Variants in NPS observed in about 807,000 individuals in gnomAD.
NPS encodes prepro-neuropeptide S.
In NPS, 6 loss-of-function variants were observed where a neutral mutation model predicts 7.2. The ratio of observed to expected loss-of-function variants is 0.83; its 90% CI spans 0.46 to 1.64. The LOEUF (loss-of-function observed/expected upper bound fraction) is 1.64, where lower values mean the gene tolerates loss of function less well. NPS is among the 40% of genes most tolerant of loss of function. The pLI is 0.01. For synonymous variants in NPS, 42 were observed against 36.7 expected (o/e 1.14, Z -0.52); for missense variants, 123 against 97.8 (o/e 1.26, Z -1.09).
In NPS at chr10:127,552,733, T is replaced by A; in HGVS notation, c.*94T>A. 1.3e-6 allele frequency: 1 copy of A among 792,386 alleles called. No individual in the cohort carries two copies. Among genetic ancestry groups the A allele is most frequent in the Admixed American group, 2.2e-5 (1 of 45,548 alleles). 49.1% of individuals were successfully genotyped at this position (792,386 alleles called of 1,614,324 possible). On this transcript the variant is annotated 3_prime_UTR_variant, in exon 3 of 3. Transcript: ENST00000398023. The stretch of plus-strand genomic sequence containing the variant: ...GTCTCTTTATCATTGAGTGTTGGCA[T>A]GCTCTCTATTCTCAAATATCTTTCC...
At position 127,553,144 on chromosome 10, in the gene NPS, A is replaced by C. The variant is rs11018197; in HGVS notation, c.*505A>C. On this transcript the variant is annotated 3_prime_UTR_variant, in exon 3 of 3. Coordinates refer to ENST00000398023, the MANE Select transcript of NPS (RefSeq NM_001030013.2). ...TTAAGGTGAATGGTACAGCTGTATC[A>C]ATTGATTAATTAATTGATACCAAGA... Among the ~76,000 whole-genome samples, 3,641 of 152,252 alleles carry C rather than the reference A, an allele frequency of 0.024. 68 individuals carry two copies. The highest frequency in any genetic ancestry group is 0.082 in the East Asian group (423 of 5,178).
chr10:127,552,395 C>T (rs1394447095), intron 2 of NPS, 65 bp from the exon 3 acceptor site: 2 of 872,814 alleles, frequency 2.3e-6, no homozygotes, highest in Non-Finnish European at 3.6e-6. Flanking sequence ...AAAATTGTTA[C>T]TGTTGAAATA....
intron 2 of NPS, among the ~76,000 whole-genome samples, chr10:127,551,087 C>T (rs1844854117): frequency 6.6e-6 from 1 of 152,052 alleles, no homozygotes; most frequent in East Asian, 1.9e-4. Context: ...GAGGCCCTTC[C>T]CTGCTGGGGA....
chr10:127,551,923 C>A (rs1050342645), intron 2 of NPS, among the ~76,000 whole-genome samples: 2 of 152,092 alleles, frequency 1.3e-5, no homozygotes, highest in African/African-American at 2.4e-5. Flanking sequence ...TCTTCCACCA[C>A]TAAGCACCCT....
rs1244423131 is a variant in NPS, at chr10:127,552,562, A to T, written c.193A>T (p.Met65Leu). ...LAFLKPILEK[M>L]FVKRSFRNGV... Reference sequence around the variant, plus strand: ...TTTTCTAAAGCCAATTTTGGAGAAGATGTTTGTGAAAAGGTCCTTTCGCAA... The same window carrying T: ...TTTTCTAAAGCCAATTTTGGAGAAGTTGTTTGTGAAAAGGTCCTTTCGCAA... Residue 65 changes from methionine to leucine, a missense_variant, in exon 3 of 3, where the codon ATG becomes TTG. By Grantham distance (15) the Met-to-Leu change is conservative. Transcript: ENST00000398023. 3.7e-6 allele frequency: 6 copies of T among 1,613,460 alleles called. No homozygotes were observed. The Admixed American group carries it at 1.0e-4, about 27-fold the overall frequency.
Position 127,549,496 on chromosome 10 carries a change from A to G in NPS, c.16A>G (p.Lys6Glu). MISSV[K>E]LNLILVLSLS... ...TTTTTTTCTACTTTGCAGCTCAGTA[A>G]AACTCAATCTCATCCTAGTTCTGTC... Residue 6 changes from lysine (K) to glutamate (E), a missense_variant, in exon 2 of 3, where the codon AAA becomes GAA. Transcript: ENST00000398023. 6.2e-7 allele frequency: 1 copy of G among 1,611,426 alleles called. No individual in the cohort carries two copies. The highest frequency in any genetic ancestry group is 8.5e-7 in the Non-Finnish European group (1 of 1,177,614).
intron 2 of NPS, 79 bp downstream of exon 2, chr10:127,549,649 G>A (rs1319407868): frequency 1.1e-6 from 1 of 889,818 alleles, no homozygotes; most frequent in Non-Finnish European, 1.9e-6. Flanking sequence ...TACTTTCAAG[G>A]AATATGTGAC....
rs1844871105 is a variant in NPS, at chr10:127,552,837, A to G, written c.*198A>G. ...TGTCTCAAACCTGTCTCAAACTTCC[A>G]CTTGTGAGAGAAAAAACAATTTATG... On this transcript the variant is annotated 3_prime_UTR_variant, in exon 3 of 3. Transcript: ENST00000398023. 6.6e-6 allele frequency among the ~76,000 whole-genome samples: 1 copy of G among 152,108 alleles called. No individual in the cohort carries two copies. The highest frequency in any genetic ancestry group is 2.4e-5 in the African/African-American group (1 of 41,424).
At position 127,549,375 on chromosome 10, in the gene NPS, A is replaced by G; in HGVS notation, c.7A>G (p.Ser3Gly). The G allele has an allele frequency of 6.2e-7, 1 of 1,608,982 alleles. No individual in the cohort carries two copies. The highest frequency in any genetic ancestry group is 1.1e-5 in the South Asian group (1 of 90,854). Residue 3 changes from serine to glycine, a missense_variant and splice_region_variant, in exon 1 of 3, where the codon AGC becomes GGC. Transcript: ENST00000398023. MI[S>G]SVKLNLILVL... ...AGATTTTGGGAAGTCCAAAATGATT[A>G]GGTAAAAGGCTACGTTTTTCTGCAA...
intron 2 of NPS, 73 bp from the exon 3 acceptor site, chr10:127,552,387 A>T (rs1356147278): frequency 1.2e-6 from 1 of 861,690 alleles, no homozygotes; most frequent in East Asian, 2.5e-5. Flanking sequence ...CGATTTTGAA[A>T]ATTGTTACTG....
intron 2 of NPS, among the ~76,000 whole-genome samples, chr10:127,550,892 T>C (rs772118573): frequency 1.3e-5 from 2 of 152,228 alleles, no homozygotes; most frequent in Non-Finnish European, 2.9e-5. Context: ...TATACAATCT[T>C]ATTATGTTAA....
chr10:127,552,835 C>T lies in NPS; in HGVS notation c.*196C>T, dbSNP rs1334506830. Among the ~76,000 whole-genome samples, 2 of 152,112 alleles carry T rather than the reference C, an allele frequency of 1.3e-5. No homozygotes were observed. Among genetic ancestry groups the T allele is most frequent in the African/African-American group, 2.4e-5 (1 of 41,440 alleles). Reference sequence around the variant, plus strand: ...CATGTCTCAAACCTGTCTCAAACTTCCACTTGTGAGAGAAAAAACAATTTA... The same window carrying T: ...CATGTCTCAAACCTGTCTCAAACTTTCACTTGTGAGAGAAAAAACAATTTA... On this transcript the variant is annotated 3_prime_UTR_variant, in exon 3 of 3. Coordinates refer to ENST00000398023, the MANE Select transcript of NPS (RefSeq NM_001030013.2).
rs1844836835 is a variant in NPS at position 127,549,486 on chromosome 10, C to T, written c.9-3C>T. The T allele has an allele frequency of 1.2e-6, 2 of 1,607,908 alleles. No homozygotes were observed. The highest frequency in any genetic ancestry group is 1.7e-6 in the Non-Finnish European group (2 of 1,174,466). On this transcript the variant is annotated splice_polypyrimidine_tract_variant and splice_region_variant and intron_variant, in intron 1 of 2. Coordinates refer to ENST00000398023, the MANE Select transcript of NPS (RefSeq NM_001030013.2). The stretch of plus-strand genomic sequence containing the variant: ...TTGATTGTACTTTTTTTCTACTTTG[C>T]AGCTCAGTAAAACTCAATCTCATCC...
At chr10:127,550,506 A>T (rs1215142353) in intron 2 of NPS, among the ~76,000 whole-genome samples, 3 of 152,206 alleles carry the variant, frequency 2.0e-5, no homozygotes, top group African/African-American at 7.2e-5. Context: ...GTCACAATCC[A>T]TATACTGGTA....
chr10:127,549,597 T>C (rs2134875958), intron 2 of NPS, 27 bp downstream of exon 2: 1 of 1,231,034 alleles, frequency 8.1e-7, no homozygotes, highest in Non-Finnish European at 1.2e-6. Context: ...GTTGTGGATA[T>C]TTAAATAGAT....
rs2134878780 is a variant in NPS at position 127,552,832 on chromosome 10, C to T, written c.*193C>T. 6.6e-6 allele frequency among the ~76,000 whole-genome samples: 1 copy of T among 152,270 alleles called. No individual in the cohort carries two copies. The highest frequency in any genetic ancestry group is 2.4e-5 in the African/African-American group (1 of 41,572). ...AAACATGTCTCAAACCTGTCTCAAACTTCCACTTGTGAGAGAAAAAACAAT... is the reference window on the plus strand; with the variant it reads ...AAACATGTCTCAAACCTGTCTCAAATTTCCACTTGTGAGAGAAAAAACAAT... On this transcript the variant is annotated 3_prime_UTR_variant, in exon 3 of 3. Transcript: ENST00000398023.
At chr10:127,549,439 C>T (rs1484986537) in intron 1 of NPS, 50 bp from the exon 2 acceptor site, 1 of 1,583,608 alleles carries the variant, frequency 6.3e-7, no homozygotes, top group East Asian at 2.2e-5. Context: ...TTTACTTATT[C>T]TTGCCTACTT....
In NPS at chr10:127,553,540, A is replaced by G. The variant is rs1042061701; in HGVS notation, c.*901A>G. Among the ~76,000 whole-genome samples, 3 of 152,104 alleles carry G rather than the reference A, an allele frequency of 2.0e-5. No homozygotes were observed. The highest frequency in any genetic ancestry group is 7.2e-5 in the African/African-American group (3 of 41,410). ...ATAATGTTAATAAATCTGTTCACGC[A>G]TATTGGATTCTGCAGCACACTAAGG... On this transcript the variant is annotated 3_prime_UTR_variant, in exon 3 of 3. Coordinates refer to ENST00000398023, the MANE Select transcript of NPS (RefSeq NM_001030013.2).
At position 127,551,813 on chromosome 10, in the gene NPS, T is replaced by C. The variant is rs1207908420; in HGVS notation, c.91-647T>C. On this transcript the variant is annotated intron_variant, in intron 2 of 2. Transcript: ENST00000398023. Reference sequence around the variant, plus strand: ...ATCTCCAGCCCTGTCACATGGGGCATGCACCTTTGGTCTTGTACTTAGTTT... The same window carrying C: ...ATCTCCAGCCCTGTCACATGGGGCACGCACCTTTGGTCTTGTACTTAGTTT... 2.6e-5 allele frequency among the ~76,000 whole-genome samples: 4 copies of C among 152,246 alleles called. No homozygotes were observed. In the East Asian group the frequency reaches 5.8e-4, roughly 22 times the overall value.
Sources: allele counts gnomAD v4.1 joint callset (sites outside exome capture counted in the v4.1 genomes callset), GRCh38; gene constraint gnomAD v4.1.1; transcripts MANE v1.5; gene names NCBI Gene and HGNC (gene_info 2026-07-23, HGNC 2026-07-21).